SLC26A7: variants seen among roughly 807,000 people sequenced by gnomAD.
SLC26A7 encodes solute carrier family 26 member 7, also known as anion exchange transporter.
Under a neutral mutation model 82.5 loss-of-function variants are expected in SLC26A7, and 59 were observed. The ratio of observed to expected loss-of-function variants is 0.72; its 90% CI spans 0.58 to 0.89. The LOEUF is 0.89. SLC26A7 is among the 40% of genes least tolerant of loss of function. SLC26A7 has a pLI of 0.00. For missense variants in SLC26A7, 820 were observed against 793.0 expected, an observed-to-expected ratio of 1.03 and a Z score of -0.41; for synonymous variants, 271 against 274.3, an observed-to-expected ratio of 0.99 and a Z score of 0.12.
At chr8:91,350,252 T>C (rs905576561) in intron 9 of SLC26A7, among the ~76,000 whole-genome samples, 3 of 152,030 alleles carry the variant, frequency 2.0e-5, no homozygotes, top group Non-Finnish European at 2.9e-5. Flanking sequence ...CTTCTTCCCA[T>C]ATACACACAC....
intron 2 of SLC26A7, among the ~76,000 whole-genome samples, chr8:91,251,971 A>G (rs1193549869): frequency 1.3e-5 from 2 of 152,146 alleles, no homozygotes; most frequent in Non-Finnish European, 2.9e-5. Flanking sequence ...AATAACTAGA[A>G]TAGGATACAG....
intron 1 of SLC26A7, among the ~76,000 whole-genome samples, chr8:91,216,541 T>C (rs1167242609): frequency 6.6e-6 from 1 of 152,148 alleles, no homozygotes; most frequent in Non-Finnish European, 1.5e-5. Flanking sequence ...AAAATGTATG[T>C]AGCATGTTTT....
intron 2 of SLC26A7, among the ~76,000 whole-genome samples, chr8:91,240,077 C>T (rs1299226965): frequency 6.6e-6 from 1 of 152,136 alleles, no homozygotes; most frequent in African/African-American, 2.4e-5. Context: ...TAAATTCTTC[C>T]CTCAAAGACC....
rs148593368 is a variant in SLC26A7 at position 91,310,236 on chromosome 8, G to C, written c.478-7980G>C. On this transcript the variant is annotated intron_variant, in intron 4 of 18. Coordinates refer to ENST00000276609, the MANE Select transcript of SLC26A7 (RefSeq NM_052832.4). ...ACTAGCTACCTACTATAACATTTCCGCCAACAGGCGTCAAAGACCCCAATT... is the reference window on the plus strand; with the variant it reads ...ACTAGCTACCTACTATAACATTTCCCCCAACAGGCGTCAAAGACCCCAATT... 1.5e-3 allele frequency among the ~76,000 whole-genome samples: 224 copies of C among 152,192 alleles called. 2 individuals carry two copies. The highest frequency in any genetic ancestry group is 5.3e-3 in the African/African-American group (221 of 41,528).
intron 15 of SLC26A7, among the ~76,000 whole-genome samples, chr8:91,386,948 C>T (rs950887771): frequency 2.6e-5 from 4 of 152,064 alleles, no homozygotes; most frequent in Non-Finnish European, 4.4e-5. Context: ...ACATTGTAAA[C>T]ATGATTAGTC....
At chr8:91,370,458 A>G (rs1198139175) in intron 15 of SLC26A7, among the ~76,000 whole-genome samples, 1 of 152,048 alleles carries the variant, frequency 6.6e-6, no homozygotes, top group Non-Finnish European at 1.5e-5. Context: ...ATGAGGATTT[A>G]TCATGAAATA....
At chr8:91,340,719 AAACCTGACATTGAT>A in intron 8 of SLC26A7, 168 bp downstream of exon 8, 1 of 739,510 alleles carries the variant, frequency 1.4e-6, no homozygotes, top group East Asian at 2.8e-5. Flanking sequence ...AGGAAGCTAA[AAACCTGACATTGAT>A]TGTTCACAAT....
At chr8:91,275,025 A>G (rs936317183) in intron 2 of SLC26A7, among the ~76,000 whole-genome samples, 12 of 152,168 alleles carry the variant, frequency 7.9e-5, no homozygotes, top group African/African-American at 2.4e-4. Flanking sequence ...CAGGTACTCT[A>G]TGCATAAATG....
chr8:91,378,718 A>T (rs1166405581), intron 15 of SLC26A7, among the ~76,000 whole-genome samples: 1 of 151,694 alleles, frequency 6.6e-6, no homozygotes, highest in Non-Finnish European at 1.5e-5. Flanking sequence ...CTGGGTCATT[A>T]TACAAGTTTC....
chr8:91,290,466 T>C (rs781062166), intron 3 of SLC26A7, among the ~76,000 whole-genome samples: 1 of 152,230 alleles, frequency 6.6e-6, no homozygotes, highest in Non-Finnish European at 1.5e-5. Flanking sequence ...TTTTCTAGTT[T>C]CTAGAGGCTT....
At chr8:91,297,277 C>A (rs1031725409) in intron 4 of SLC26A7, among the ~76,000 whole-genome samples, 16 of 151,504 alleles carry the variant, frequency 1.1e-4, no homozygotes, top group African/African-American at 3.6e-4. Context: ...ACCTGGCAAC[C>A]TTCTGCTTAG....
At chr8:91,341,322 A>C (rs958593640) in intron 8 of SLC26A7, among the ~76,000 whole-genome samples, 2 of 152,028 alleles carry the variant, frequency 1.3e-5, no homozygotes, top group Admixed American at 6.6e-5. Flanking sequence ...TGAACTCATC[A>C]TTTTTTATGG....
intron 2 of SLC26A7, among the ~76,000 whole-genome samples, chr8:91,223,824 G>C (rs1810197625): frequency 6.6e-6 from 1 of 151,936 alleles, no homozygotes; most frequent in Admixed American, 6.6e-5. Flanking sequence ...TCAATCGTAG[G>C]TTCGGTCTTT....
At chr8:91,234,827 A>ACCTACCTACTTCCTTC (rs1386380375) in intron 2 of SLC26A7, among the ~76,000 whole-genome samples, 53 of 92,536 alleles carry the variant, frequency 5.7e-4, no homozygotes, top group East Asian at 3.8e-3. Context: ...CTACCTACCT[A>ACCTACCTACTTCCTTC]CTTCCTTCCT....
intron 4 of SLC26A7, among the ~76,000 whole-genome samples, chr8:91,304,080 A>G (rs1328982145): frequency 6.6e-6 from 1 of 152,250 alleles, no homozygotes; most frequent in African/African-American, 2.4e-5. Context: ...TATATTTATT[A>G]GCCTAGTATT....
At chr8:91,240,606 C>CA (rs1810460762) in intron 2 of SLC26A7, among the ~76,000 whole-genome samples, 1 of 152,094 alleles carries the variant, frequency 6.6e-6, no homozygotes, top group African/African-American at 2.4e-5. Flanking sequence ...TATACTTGGG[C>CA]ATTCAATTTG....
At position 91,321,974 on chromosome 8, in the gene SLC26A7, T is replaced by G. The variant is rs1372261109; in HGVS notation, c.642+3594T>G. On this transcript the variant is annotated intron_variant, in intron 5 of 18. Transcript: ENST00000276609. ...TTTCCAAAATGAAAAGCATGGAACA[T>G]AGGTGTTCATTAAGTGGAAGCCATT... 2.0e-5 allele frequency among the ~76,000 whole-genome samples: 3 copies of G among 152,170 alleles called. No individual in the cohort carries two copies. The East Asian group carries it at 5.8e-4, about 29-fold the overall frequency.
At chr8:91,271,546 C>G (rs1397518118) in intron 2 of SLC26A7, among the ~76,000 whole-genome samples, 1 of 147,844 alleles carries the variant, frequency 6.8e-6, no homozygotes, top group Non-Finnish European at 1.5e-5. Flanking sequence ...GAGGAAAATT[C>G]TTGTCCTCTG....
intron 2 of SLC26A7, among the ~76,000 whole-genome samples, chr8:91,242,607 G>T (rs1181999998): frequency 6.6e-6 from 1 of 152,128 alleles, no homozygotes; most frequent in Non-Finnish European, 1.5e-5. Context: ...CCTTATAAAG[G>T]AAGCACCAGA....
Sources: gnomAD v4.1 joint callset for allele counts (sites outside exome capture counted in the v4.1 genomes callset) on GRCh38, gnomAD v4.1.1 for gene constraint, MANE v1.5 for transcripts, NCBI Gene and HGNC (gene_info 2026-07-23, HGNC 2026-07-21) for gene names.